The following GALNT13 variants were observed in gnomAD, a reference collection of about 807,000 sequenced individuals.
GALNT13 encodes polypeptide N-acetylgalactosaminyltransferase 13, also known as UDP-GalNAc:polypeptide N-acetylgalactosaminyltransferase 13.
In GALNT13, 28 loss-of-function variants were observed where a neutral mutation model predicts 64.2. The ratio of observed to expected loss-of-function variants is 0.44; its 90% CI spans 0.32 to 0.60. GALNT13 has a LOEUF of 0.60. Ranked by LOEUF, GALNT13 falls within the 20% of genes least tolerant of loss-of-function variation. The pLI is 0.05. For missense variants in GALNT13, 577 were observed against 669.8 expected, an observed-to-expected ratio of 0.86 and a Z score of 1.53; for synonymous variants, 214 against 224.6, an observed-to-expected ratio of 0.95 and a Z score of 0.42.
chr2:153,551,715 T>C, the GALNT13 span, among the ~76,000 whole-genome samples: 1 of 152,194 alleles, frequency 6.6e-6, no homozygotes, highest in Non-Finnish European at 1.5e-5. Flanking sequence ...GAGAGGGATA[T>C]CAGGAATTTG....
chr2:153,699,758 C>T, the GALNT13 span, among the ~76,000 whole-genome samples: 1 of 152,084 alleles, frequency 6.6e-6, no homozygotes, highest in Non-Finnish European at 1.5e-5. Flanking sequence ...TGGTAAATTC[C>T]TGGACACACA....
chr2:154,200,024 G>C (rs1687088421), intron 4 of GALNT13, among the ~76,000 whole-genome samples: 1 of 151,936 alleles, frequency 6.6e-6, no homozygotes, highest in Non-Finnish European at 1.5e-5. Context: ...TTCAACATAA[G>C]TAAAATAACT....
chr2:154,152,279 A>G (rs1307916195), intron 4 of GALNT13, among the ~76,000 whole-genome samples: 1 of 152,070 alleles, frequency 6.6e-6, no homozygotes. Context: ...TCTGGCTTGT[A>G]GAGTTTCTGC....
chr2:153,189,836 C>G, the GALNT13 span, among the ~76,000 whole-genome samples: 1 of 152,024 alleles, frequency 6.6e-6, no homozygotes. Context: ...TTGATTTTTG[C>G]ATTTCCCTTA....
intron 8 of GALNT13, among the ~76,000 whole-genome samples, chr2:154,272,570 T>A (rs903626834): frequency 2.0e-5 from 3 of 152,122 alleles, no homozygotes; most frequent in Non-Finnish European, 4.4e-5. Flanking sequence ...GCGGTTTGAA[T>A]TTATGGCAAT....
the GALNT13 span, among the ~76,000 whole-genome samples, chr2:153,601,280 G>A: frequency 6.6e-6 from 1 of 150,856 alleles, no homozygotes; most frequent in South Asian, 2.1e-4. Flanking sequence ...ATAATTTGAT[G>A]TTACATATTC....
the GALNT13 span, among the ~76,000 whole-genome samples, chr2:153,630,608 C>G: frequency 8.9e-5 from 13 of 145,712 alleles, no homozygotes; most frequent in Admixed American, 8.4e-4. Flanking sequence ...TGTAACTAAC[C>G]TGCACATTGT....
At chr2:153,883,603 A>G (rs1043184378) in intron 1 of GALNT13, among the ~76,000 whole-genome samples, 1 of 152,148 alleles carries the variant, frequency 6.6e-6, no homozygotes, top group Non-Finnish European at 1.5e-5. Flanking sequence ...GAAGTAGTCC[A>G]GGAAGGTGAA....
At chr2:153,248,641 A>ACG in the GALNT13 span, among the ~76,000 whole-genome samples, 2 of 150,734 alleles carry the variant, frequency 1.3e-5, no homozygotes, top group Non-Finnish European at 3.0e-5. Flanking sequence ...GTGAAACGCC[A>ACG]TCTCTACTAA....
At chr2:153,302,695 G>C in the GALNT13 span, among the ~76,000 whole-genome samples, 4 of 152,112 alleles carry the variant, frequency 2.6e-5, no homozygotes, top group African/African-American at 9.7e-5. Flanking sequence ...AGGTCTTACA[G>C]TTAAGACTTT....
chr2:153,853,339 G>C, the GALNT13 span, among the ~76,000 whole-genome samples: 1 of 152,090 alleles, frequency 6.6e-6, no homozygotes, highest in Non-Finnish European at 1.5e-5. Context: ...ACAATACTTT[G>C]TATCCTTCAA....
chr2:153,441,443 C>T, the GALNT13 span, among the ~76,000 whole-genome samples: 2 of 152,106 alleles, frequency 1.3e-5, no homozygotes, highest in African/African-American at 4.8e-5. Flanking sequence ...TGTTATTTGG[C>T]TCCATATGAA....
the GALNT13 span, among the ~76,000 whole-genome samples, chr2:153,677,677 A>G: frequency 6.6e-6 from 1 of 152,132 alleles, no homozygotes; most frequent in African/African-American, 2.4e-5. Flanking sequence ...GGCTACAGTA[A>G]ACCAAACAGC....
intron 3 of GALNT13, among the ~76,000 whole-genome samples, chr2:154,037,565 T>C (rs1451464578): frequency 6.6e-6 from 1 of 152,036 alleles, no homozygotes; most frequent in Non-Finnish European, 1.5e-5. Context: ...GGAAGTCAAA[T>C]TGTACCTTTT....
the GALNT13 span, among the ~76,000 whole-genome samples, chr2:153,572,485 T>G: frequency 6.6e-6 from 1 of 151,872 alleles, no homozygotes; most frequent in East Asian, 1.9e-4. Context: ...CTCATAATTT[T>G]GGGATTTGGT....
the GALNT13 span, among the ~76,000 whole-genome samples, chr2:153,284,831 AG>A: frequency 2.0e-5 from 3 of 152,092 alleles, no homozygotes; most frequent in African/African-American, 7.2e-5. Context: ...TCTATTTCCA[AG>A]TAGCTGAGGC....
the GALNT13 span, among the ~76,000 whole-genome samples, chr2:153,119,679 G>C: frequency 6.6e-6 from 1 of 152,148 alleles, no homozygotes; most frequent in Admixed American, 6.5e-5. Context: ...TTGCCTATGC[G>C]CATGCCAGGT....
the GALNT13 span, among the ~76,000 whole-genome samples, chr2:153,309,821 A>G: frequency 2.6e-5 from 4 of 152,294 alleles, no homozygotes; most frequent in South Asian, 4.1e-4. Context: ...GTAAATACCT[A>G]GGCAGTAAAA....
At chr2:153,554,890 A>G in the GALNT13 span, among the ~76,000 whole-genome samples, 1 of 152,098 alleles carries the variant, frequency 6.6e-6, no homozygotes, top group Non-Finnish European at 1.5e-5. Context: ...TATGTGTACG[A>G]GAGAAAATTT....
Sources: allele counts gnomAD v4.1 joint callset (sites outside exome capture counted in the v4.1 genomes callset), GRCh38; gene constraint gnomAD v4.1.1; transcripts MANE v1.5; gene names NCBI Gene and HGNC (gene_info 2026-07-23, HGNC 2026-07-21).